Variants in TMEM178A observed in about 807,000 individuals in gnomAD.
The protein encoded by TMEM178A is transmembrane protein 178.
A neutral mutation model predicts 29.1 loss-of-function variants in TMEM178A; 12 were observed. The observed-to-expected ratio is 0.41, with a 90% CI of 0.26 to 0.67. TMEM178A has a LOEUF of 0.67. Ranked by LOEUF, TMEM178A falls within the 30% of genes least tolerant of loss-of-function variation. TMEM178A has a pLI of 0.29. For missense variants in TMEM178A, 366 were observed against 419.1 expected, an observed-to-expected ratio of 0.87 and a Z score of 1.11; for synonymous variants, 210 against 187.2, an observed-to-expected ratio of 1.12 and a Z score of -0.99.
Position 39,717,778 on chromosome 2 carries a change from ATT to A in TMEM178A, c.*528_*529del, listed in dbSNP as rs963421114. On this transcript the variant is annotated 3_prime_UTR_variant, in exon 4 of 4. Coordinates refer to ENST00000281961, the MANE Select transcript of TMEM178A (RefSeq NM_152390.3). ...AGGAAGATTCTTCTTCTGTTGCCTT[ATT>A]GTTTTTTTTTTTTTAAGTCTCTTCT... 4.0e-5 allele frequency: 6 copies of A among 148,538 alleles called. No individual in the cohort carries two copies. The highest frequency in any genetic ancestry group is 1.5e-4 in the African/African-American group (6 of 39,530). 9.2% of individuals were successfully genotyped at this position (148,538 alleles called of 1,614,324 possible).
chr2:39,722,855 G>A (rs1411168691), downstream of TMEM178A, among the ~76,000 whole-genome samples: 1 of 152,210 alleles, frequency 6.6e-6, no homozygotes, highest in Admixed American at 6.5e-5. Flanking sequence ...TGCCTTGAGT[G>A]TGGGTGTGAG....
downstream of TMEM178A, among the ~76,000 whole-genome samples, chr2:39,720,486 T>C (rs773614529): frequency 6.6e-6 from 1 of 152,200 alleles, no homozygotes; most frequent in Non-Finnish European, 1.5e-5. Context: ...GCCTGGCTTA[T>C]TCTGACTTTT....
the TMEM178A span, among the ~76,000 whole-genome samples, chr2:39,735,005 C>T: frequency 6.6e-6 from 1 of 152,182 alleles, no homozygotes; most frequent in Non-Finnish European, 1.5e-5. Context: ...CCCAGCTGAT[C>T]TCTTTACTTT....
rs142595066 is a variant in TMEM178A, at chr2:39,682,198, G to A, written c.400+15824G>A. ...AAAACTTGTATTTATCAAACTGGAT[G>A]AATATATTCATTCAGTGCATTATGC... is the stretch of plus-strand genomic sequence containing the variant. On this transcript the variant is annotated intron_variant, in intron 1 of 3. Transcript: ENST00000281961. 1.8e-4 allele frequency among the ~76,000 whole-genome samples: 28 copies of A among 152,298 alleles called. No homozygotes were observed. The East Asian group carries it at 2.3e-3, about 13-fold the overall frequency.
At chr2:39,724,356 C>T in the TMEM178A span, among the ~76,000 whole-genome samples, 1 of 152,070 alleles carries the variant, frequency 6.6e-6, no homozygotes, top group African/African-American at 2.4e-5. Context: ...AATTTCCGTC[C>T]TTTCTCCCTG....
At chr2:39,714,947 A>G (rs1446743188) in intron 3 of TMEM178A, among the ~76,000 whole-genome samples, 1 of 152,240 alleles carries the variant, frequency 6.6e-6, no homozygotes, top group Non-Finnish European at 1.5e-5. Flanking sequence ...ATTTTGGAAT[A>G]ACAGAATCAC....
Position 39,717,344 on chromosome 2 carries a change from C to G in TMEM178A, c.*93C>G. ...CAAGCACAAAGCGGTCTTTTACATT[C>G]CAACCTGTTGCCTGCCAGCCCTTTC... On this transcript the variant is annotated 3_prime_UTR_variant, in exon 4 of 4. Transcript: ENST00000281961. The G allele has an allele frequency of 6.7e-7, 1 of 1,491,224 alleles. No homozygotes were observed. Among genetic ancestry groups the G allele is most frequent in the East Asian group, 2.3e-5 (1 of 43,248 alleles). 92.4% of individuals were successfully genotyped at this position (1,491,224 alleles called of 1,614,324 possible). A position where few individuals can be genotyped will look rare whatever the true frequency, so the allele number is the denominator to read the frequency against.
intron 1 of TMEM178A, among the ~76,000 whole-genome samples, chr2:39,698,711 G>C (rs201488014): frequency 1.5e-5 from 2 of 129,288 alleles, no homozygotes; most frequent in Admixed American, 7.9e-5. Context: ...TTTTTTTTTT[G>C]TTTTGAAGAG....
chr2:39,733,503 G>T, the TMEM178A span, among the ~76,000 whole-genome samples: 1 of 152,170 alleles, frequency 6.6e-6, no homozygotes, highest in Non-Finnish European at 1.5e-5. Flanking sequence ...CCTTGGCCAG[G>T]CAGACAGTGC....
chr2:39,665,683 G>T (rs1379733927), upstream of TMEM178A: 42 of 305,774 alleles, frequency 1.4e-4, no homozygotes, highest in Admixed American at 3.2e-4. Flanking sequence ...GGGGGGCGCC[G>T]GGGCGAGGAG....
chr2:39,712,041 T>TTGTGTATGTGTG lies in TMEM178A; in HGVS notation c.652+4860_652+4861insATGTGTGTGTGT, dbSNP rs1553350726. Reference sequence around the variant, plus strand: ...GCTTTTGGGATTTAGGAATTGCATTTTGTGTGTGTGTGTGTGTGTGTGTGT... The same window carrying TTGTGTATGTGTG: ...GCTTTTGGGATTTAGGAATTGCATTTTGTGTATGTGTGTGTGTGTGTGTGTGTGTGTGTGTGT... On this transcript the variant is annotated intron_variant, in intron 3 of 3. Coordinates refer to ENST00000281961, the MANE Select transcript of TMEM178A (RefSeq NM_152390.3). 1.0e-4 allele frequency among the ~76,000 whole-genome samples: 14 copies of TTGTGTATGTGTG among 139,252 alleles called. No homozygotes were observed. The Admixed American group carries it at 1.0e-3, about 10-fold the overall frequency. The allele number at this position is 139,252 out of a possible 152,430, so 91.4% of individuals were successfully genotyped here.
At chr2:39,713,165 T>TG (rs1204051767) in intron 3 of TMEM178A, among the ~76,000 whole-genome samples, 1 of 152,184 alleles carries the variant, frequency 6.6e-6, no homozygotes, top group African/African-American at 2.4e-5. Context: ...ACATCAATGT[T>TG]GAACTGAGTC....
Position 39,666,236 on chromosome 2 carries a change from G to C in TMEM178A, c.262G>C (p.Glu88Gln). ...LPGGPGRADP[E>Q]SWRSLLGLGG... ...GGGCGGCCCGGGGCGCGCCGACCCCGAGTCCTGGCGCTCGCTCCTGGGGCT... is the reference window on the plus strand; with the variant it reads ...GGGCGGCCCGGGGCGCGCCGACCCCCAGTCCTGGCGCTCGCTCCTGGGGCT... The change falls in exon 1 of 4, where the codon GAG becomes CAG. Residue 88 changes from glutamate (E) to glutamine (Q), a missense_variant. Around this residue, in one of 2 missense-constraint regions of TMEM178A, gnomAD observed 247 missense variants for 246.8 expected, o/e 1.00. Transcript: ENST00000281961. 1.5e-6 allele frequency: 2 copies of C among 1,349,300 alleles called. No individual in the cohort carries two copies. Among genetic ancestry groups the C allele is most frequent in the African/African-American group, 1.5e-5 (1 of 64,884 alleles). The allele number at this position is 1,349,300 out of a possible 1,614,324, so 83.6% of individuals were successfully genotyped here. A position where few individuals can be genotyped will look rare whatever the true frequency, so the allele number is the denominator to read the frequency against.
chr2:39,705,824 G>A (rs72803168), intron 2 of TMEM178A, among the ~76,000 whole-genome samples: 1 of 152,304 alleles, frequency 6.6e-6, no homozygotes, highest in Non-Finnish European at 1.5e-5. Flanking sequence ...AGTGTGATCT[G>A]CACCTTGTCT....
At chr2:39,684,072 G>A (rs1452706840) in intron 1 of TMEM178A, among the ~76,000 whole-genome samples, 3 of 152,150 alleles carry the variant, frequency 2.0e-5, no homozygotes, top group African/African-American at 4.8e-5. Context: ...CATCTACCTA[G>A]TTCTGATCTG....
chr2:39,694,679 T>A (rs1671463409), intron 1 of TMEM178A, among the ~76,000 whole-genome samples: 1 of 152,182 alleles, frequency 6.6e-6, no homozygotes, highest in African/African-American at 2.4e-5. Flanking sequence ...AGATTTAGAT[T>A]TTGAAGACTT....
At chr2:39,670,100 C>T (rs1054490848) in intron 1 of TMEM178A, among the ~76,000 whole-genome samples, 4 of 152,130 alleles carry the variant, frequency 2.6e-5, no homozygotes, top group Non-Finnish European at 4.4e-5. Flanking sequence ...TCAGCCTTCA[C>T]CCAGCGATTT....
At chr2:39,690,840 A>G (rs1671284745) in intron 1 of TMEM178A, among the ~76,000 whole-genome samples, 1 of 152,240 alleles carries the variant, frequency 6.6e-6, no homozygotes. Context: ...ACTAAATGAA[A>G]TCAGGAATAC....
intron 1 of TMEM178A, among the ~76,000 whole-genome samples, chr2:39,684,950 A>G (rs1671010394): frequency 1.3e-5 from 2 of 152,138 alleles, no homozygotes; most frequent in Non-Finnish European, 2.9e-5. Flanking sequence ...ACCTCCTCTC[A>G]CTGGAACCTT....
Sources: allele counts gnomAD v4.1 joint callset (sites outside exome capture counted in the v4.1 genomes callset), GRCh38; gene constraint gnomAD v4.1.1; regional missense constraint gnomAD v4.1.1; transcripts MANE v1.5; gene names NCBI Gene and HGNC (gene_info 2026-07-23, HGNC 2026-07-21).